Variants in CSGALNACT1 observed in about 807,000 individuals in gnomAD.
The protein encoded by CSGALNACT1 is beta4GalNAcT-1.
In CSGALNACT1, 52 loss-of-function variants were observed where a neutral mutation model predicts 51.0. The observed-to-expected ratio is 1.02, with a 90% CI of 0.82 to 1.29. CSGALNACT1 has a LOEUF of 1.29. CSGALNACT1 is among the 50% of genes most tolerant of loss of function. CSGALNACT1 has a pLI of 0.00. For missense variants in CSGALNACT1, 935 were observed against 679.2 expected (o/e 1.38, Z -4.19); for synonymous variants, 341 against 254.4 (o/e 1.34, Z -3.24).
At chr8:19,573,853 G>GA (rs1158314251) in intron 3 of CSGALNACT1, among the ~76,000 whole-genome samples, 1 of 152,184 alleles carries the variant, frequency 6.6e-6, no homozygotes, top group Non-Finnish European at 1.5e-5. Flanking sequence ...GCAGGTAGAA[G>GA]AAAAGGAGTA....
At chr8:19,518,967 A>G (rs549724186) in intron 3 of CSGALNACT1, among the ~76,000 whole-genome samples, 10 of 152,322 alleles carry the variant, frequency 6.6e-5, no homozygotes, top group Admixed American at 3.3e-4. Flanking sequence ...CTTCCTGATA[A>G]AATGATCCTT....
intron 1 of CSGALNACT1, among the ~76,000 whole-genome samples, chr8:19,745,095 G>A (rs557623635): frequency 1.2e-4 from 19 of 152,300 alleles, no homozygotes; most frequent in African/African-American, 4.1e-4. Context: ...CGTCTGACCC[G>A]AAGTATTCCA....
intron 1 of CSGALNACT1, among the ~76,000 whole-genome samples, chr8:19,718,958 G>A (rs189153024): frequency 5.9e-5 from 9 of 152,224 alleles, no homozygotes; most frequent in East Asian, 5.8e-4. Context: ...ATCTCTCACC[G>A]TTGTAAAGAG....
chr8:19,501,215 G>A (rs1293064208), intron 4 of CSGALNACT1, among the ~76,000 whole-genome samples: 1 of 135,042 alleles, frequency 7.4e-6, no homozygotes, highest in African/African-American at 2.8e-5. Flanking sequence ...GAATCAGCCT[G>A]CAGCCTGTGT....
intron 3 of CSGALNACT1, among the ~76,000 whole-genome samples, chr8:19,567,126 C>A (rs1322835643): frequency 6.6e-6 from 1 of 152,176 alleles, no homozygotes; most frequent in East Asian, 1.9e-4. Flanking sequence ...GCTTAGGGCA[C>A]AGATTGGTTC....
chr8:19,605,192 C>T (rs2051196495), upstream of CSGALNACT1, among the ~76,000 whole-genome samples: 1 of 152,188 alleles, frequency 6.6e-6, no homozygotes, highest in Non-Finnish European at 1.5e-5. Flanking sequence ...CTTGCTTTGC[C>T]CAATTCAGAC....
rs1564386293 is a variant in CSGALNACT1 at position 19,667,015 on chromosome 8, GA to G, written c.-544+15457del. Among the ~76,000 whole-genome samples, 42 of 31,360 alleles carry G rather than the reference GA, an allele frequency of 1.3e-3. 1 individual carries two copies. The highest frequency in any genetic ancestry group is 3.9e-3 in the East Asian group (5 of 1,290). 20.6% of individuals were successfully genotyped at this position (31,360 alleles called of 152,430 possible). A position where few individuals can be genotyped will look rare whatever the true frequency, so the allele number is the denominator to read the frequency against. On this transcript the variant is annotated intron_variant, in intron 1 of 9. Coordinates refer to the CSGALNACT1 transcript ENST00000332246. ...AGAAAGAAAGAAAGAAAGAAAGAAA[GA>G]AAGGAAGGAAGGAAGGAAGGAAGGA... is the stretch of plus-strand genomic sequence containing the variant.
At chr8:19,564,596 G>A (rs1430476613) in intron 3 of CSGALNACT1, among the ~76,000 whole-genome samples, 3 of 151,980 alleles carry the variant, frequency 2.0e-5, no homozygotes, top group Admixed American at 6.6e-5. Context: ...CTGGAAGAGC[G>A]GCCCTATATG....
At chr8:19,454,624 T>C (rs185268152) in intron 5 of CSGALNACT1, among the ~76,000 whole-genome samples, 1 of 152,088 alleles carries the variant, frequency 6.6e-6, no homozygotes, top group African/African-American at 2.4e-5. Flanking sequence ...TGAGCTAAGG[T>C]TCTGCCACTG....
chr8:19,723,156 G>C (rs1447411466), intron 1 of CSGALNACT1, among the ~76,000 whole-genome samples: 1 of 152,080 alleles, frequency 6.6e-6, no homozygotes, highest in Non-Finnish European at 1.5e-5. Context: ...TTGGGCTCTG[G>C]CCCAAAGACC....
intron 1 of CSGALNACT1, among the ~76,000 whole-genome samples, chr8:19,636,770 T>C (rs1210586182): frequency 6.6e-6 from 1 of 152,200 alleles, no homozygotes; most frequent in Non-Finnish European, 1.5e-5. Context: ...CTCCCGAGTT[T>C]TGTAACGTTT....
intron 6 of CSGALNACT1, among the ~76,000 whole-genome samples, chr8:19,430,417 G>T (rs1184712720): frequency 6.6e-6 from 1 of 152,066 alleles, no homozygotes; most frequent in Non-Finnish European, 1.5e-5. Flanking sequence ...AACAACTTTC[G>T]TTCTCTGCAC....
intron 5 of CSGALNACT1, among the ~76,000 whole-genome samples, chr8:19,458,057 C>G (rs1399221518): frequency 1.3e-5 from 2 of 152,194 alleles, no homozygotes; most frequent in African/African-American, 4.8e-5. Flanking sequence ...ACCACCAGCT[C>G]CTCTCTCCTC....
At chr8:19,712,488 C>G (rs1044115832) in intron 1 of CSGALNACT1, among the ~76,000 whole-genome samples, 2 of 152,146 alleles carry the variant, frequency 1.3e-5, no homozygotes, top group African/African-American at 2.4e-5. Context: ...CTACCTCTAG[C>G]CACTGAGTAC....
intron 1 of CSGALNACT1, among the ~76,000 whole-genome samples, chr8:19,648,292 C>T (rs1330711773): frequency 6.6e-6 from 1 of 152,134 alleles, no homozygotes; most frequent in Non-Finnish European, 1.5e-5. Context: ...CTGAACAAAA[C>T]TGCATTTTAA....
At chr8:19,451,839 G>T (rs182245706) in intron 5 of CSGALNACT1, among the ~76,000 whole-genome samples, 1 of 152,192 alleles carries the variant, frequency 6.6e-6, no homozygotes, top group Non-Finnish European at 1.5e-5. Flanking sequence ...AGAACTGCAA[G>T]GCGATAGGGC....
chr8:19,705,499 G>A (rs1218765441), intron 1 of CSGALNACT1, among the ~76,000 whole-genome samples: 1 of 152,198 alleles, frequency 6.6e-6, no homozygotes, highest in African/African-American at 2.4e-5. Context: ...TTGGGAGGCT[G>A]AGGCAGGAGG....
At chr8:19,583,477 C>G (rs574205713) in intron 3 of CSGALNACT1, among the ~76,000 whole-genome samples, 237 of 152,224 alleles carry the variant, frequency 1.6e-3, no homozygotes, top group African/African-American at 5.5e-3. Context: ...AAAATTATGG[C>G]CTATATATAG....
chr8:19,427,067 T>C (rs1316214567), intron 6 of CSGALNACT1, among the ~76,000 whole-genome samples: 1 of 152,214 alleles, frequency 6.6e-6, no homozygotes, highest in African/African-American at 2.4e-5. Context: ...AAGCTGAACA[T>C]GTTATCATCC....
Sources: gnomAD v4.1 joint callset for allele counts (sites outside exome capture counted in the v4.1 genomes callset) on GRCh38, gnomAD v4.1.1 for gene constraint, MANE v1.5 for transcripts, NCBI Gene and HGNC (gene_info 2026-07-23, HGNC 2026-07-21) for gene names.